The following PCDHGA1 variants were observed in gnomAD, a reference collection of about 807,000 sequenced individuals.
The protein encoded by PCDHGA1 is protocadherin gamma-A1.
PCDHGA1 carries 32 observed loss-of-function variants against 58.0 expected under a neutral mutation model. The ratio of observed to expected loss-of-function variants is 0.55; its 90% CI spans 0.42 to 0.74. PCDHGA1 has a LOEUF of 0.74. PCDHGA1 is among the 30% of genes least tolerant of loss of function. The pLI, the probability that PCDHGA1 is intolerant of heterozygous loss-of-function variation, is 0.00. For missense variants in PCDHGA1, 1,205 were observed against 1,182.3 expected (o/e 1.02, Z -0.28); for synonymous variants, 498 against 501.1 (o/e 0.99, Z 0.08).
intron 2 of PCDHGA1, among the ~76,000 whole-genome samples, chr5:141,502,352 C>G (rs544911376): frequency 3.2e-4 from 49 of 151,888 alleles, no homozygotes; most frequent in African/African-American, 1.2e-3. Flanking sequence ...TTTTTAATGA[C>G]ATGGATATTT....
Position 141,397,950 on chromosome 5 carries a change from G to T in PCDHGA1, c.2421+64845G>T, listed in dbSNP as rs142142786. 7.7e-4 allele frequency: 722 copies of T among 938,408 alleles called. 6 individuals carry two copies. The African/African-American group carries it at 0.01, about 13-fold the overall frequency. 58.1% of individuals were successfully genotyped at this position (938,408 alleles called of 1,614,324 possible). A position where few individuals can be genotyped will look rare whatever the true frequency, so the allele number is the denominator to read the frequency against. On this transcript the variant is annotated intron_variant, in intron 1 of 3. Transcript: ENST00000517417. ...CAGCCGCAGCGCGCTTTCCAGGGCA[G>T]CCCCAGCTCAGACTCCCCAGCGCCG... is the stretch of plus-strand genomic sequence containing the variant.
At chr5:141,339,224 G>A (rs377626542) in intron 1 of PCDHGA1, 10 of 1,614,190 alleles carry the variant, frequency 6.2e-6, no homozygotes, top group Non-Finnish European at 5.9e-6. Context: ...CGGCAGCTTG[G>A]TCACTGCGAA....
At chr5:141,415,476 G>C in intron 1 of PCDHGA1, 1 of 1,614,194 alleles carries the variant, frequency 6.2e-7, no homozygotes, top group Non-Finnish European at 8.5e-7. Context: ...CCGCGGACTC[G>C]CGAAAGAGTC....
At position 141,385,168 on chromosome 5, in the gene PCDHGA1, G is replaced by T. The variant is rs376175214; in HGVS notation, c.2421+52063G>T. On this transcript the variant is annotated intron_variant, in intron 1 of 3. Transcript: ENST00000517417. ...TTTCCTGCAGACCTATTCCCATGAG[G>T]TCTCCCTCACCGCGGACTCTCGGAA... 1.5e-5 allele frequency: 24 copies of T among 1,614,100 alleles called. No individual in the cohort carries two copies. Among genetic ancestry groups the T allele is most frequent in the Non-Finnish European group, 2.0e-5 (24 of 1,180,058 alleles).
chr5:141,505,602 A>G lies in PCDHGA1; in HGVS notation c.2569+121A>G, dbSNP rs1041288927. 4.6e-5 allele frequency: 71 copies of G among 1,534,990 alleles called. 1 individual carries two copies. In the Admixed American group the frequency reaches 1.4e-3, roughly 30 times the overall value. On this transcript the variant is annotated intron_variant, in intron 3 of 3. Coordinates refer to ENST00000517417, the MANE Select transcript of PCDHGA1 (RefSeq NM_018912.3). ...GTGTAGTTTCTCCAGATCTTTCGGC[A>G]GGTCTGAAAGGACCCACAATTCCAA...
chr5:141,501,706 T>TA (rs2099810629), intron 2 of PCDHGA1, among the ~76,000 whole-genome samples: 1 of 152,094 alleles, frequency 6.6e-6, no homozygotes, highest in South Asian at 2.1e-4. Flanking sequence ...ATTCCGAGGA[T>TA]AAAAAAGACA....
chr5:141,371,850 C>T (rs1366445794), intron 1 of PCDHGA1: 5 of 1,613,540 alleles, frequency 3.1e-6, no homozygotes, highest in Admixed American at 1.7e-5. Context: ...ACCTAATGGC[C>T]TTGTCTCCTA....
chr5:141,401,940 A>T (rs1423719749), intron 1 of PCDHGA1, among the ~76,000 whole-genome samples: 1 of 152,236 alleles, frequency 6.6e-6, no homozygotes, highest in Non-Finnish European at 1.5e-5. Flanking sequence ...AATAATGTTT[A>T]AGACCACTTT....
chr5:141,443,018 A>G (rs2098358800), intron 1 of PCDHGA1, among the ~76,000 whole-genome samples: 1 of 152,208 alleles, frequency 6.6e-6, no homozygotes, highest in Admixed American at 6.5e-5. Flanking sequence ...TGACTAATGG[A>G]AGTTGCCAGA....
chr5:141,474,981 G>A (rs1336399018), intron 1 of PCDHGA1, among the ~76,000 whole-genome samples: 1 of 152,126 alleles, frequency 6.6e-6, no homozygotes, highest in African/African-American at 2.4e-5. Context: ...ATTTTGTTTG[G>A]TGACAACAAT....
intron 1 of PCDHGA1, chr5:141,355,264 G>A (rs201894028): frequency 1.2e-5 from 19 of 1,613,482 alleles, no homozygotes; most frequent in African/African-American, 9.3e-5. Context: ...TCTCCTGGGG[G>A]TTCTGGTGGA....
chr5:141,463,466 T>G (rs1400160593), intron 1 of PCDHGA1, among the ~76,000 whole-genome samples: 2 of 142,982 alleles, frequency 1.4e-5, no homozygotes, highest in African/African-American at 5.2e-5. Context: ...TTTTTTTTTT[T>G]GAGATGGAGT....
chr5:141,403,855 A>G (rs750458276), intron 1 of PCDHGA1: 12 of 1,613,676 alleles, frequency 7.4e-6, no homozygotes, highest in Non-Finnish European at 1.0e-5. Flanking sequence ...CTGGGGAAAT[A>G]TCAACAGCAA....
chr5:141,359,959 G>A (rs1257380255), intron 1 of PCDHGA1: 4 of 590,976 alleles, frequency 6.8e-6, no homozygotes, highest in South Asian at 5.4e-5. Context: ...AAAGAACGAA[G>A]AGAAGCGTTT....
In PCDHGA1 at chr5:141,457,578, C is replaced by T. The variant is rs538068150; in HGVS notation, c.2422-37229C>T. Among the ~76,000 whole-genome samples, 38 of 152,304 alleles carry T rather than the reference C, an allele frequency of 2.5e-4. No individual in the cohort carries two copies. The South Asian group carries it at 7.7e-3, about 31-fold the overall frequency. ...AGCTTTGGAGCAAAATTTTTCTCTC[C>T]AGTCCTCATTTTTGGTAAAAACTAA... On this transcript the variant is annotated intron_variant, in intron 1 of 3. Coordinates refer to ENST00000517417, the MANE Select transcript of PCDHGA1 (RefSeq NM_018912.3).
At chr5:141,345,240 C>T (rs757266874) in intron 1 of PCDHGA1, 6 of 1,613,806 alleles carry the variant, frequency 3.7e-6, no homozygotes, top group African/African-American at 1.3e-5. Context: ...TCAATATTAC[C>T]GCTTAGTGAC....
At chr5:141,400,760 C>G (rs1296918626) in intron 1 of PCDHGA1, 2 of 582,290 alleles carry the variant, frequency 3.4e-6, no homozygotes, top group Non-Finnish European at 6.0e-6. Context: ...TCCTCTCTAG[C>G]AAAAACATTT....
At chr5:141,351,804 C>A (rs752529043) in intron 1 of PCDHGA1, 1 of 1,613,328 alleles carries the variant, frequency 6.2e-7, no homozygotes, top group South Asian at 1.1e-5. Flanking sequence ...GCGCAGCGCG[C>A]CTTCGACCAC....
chr5:141,405,858 T>C (rs2094727577), intron 1 of PCDHGA1, among the ~76,000 whole-genome samples: 1 of 152,200 alleles, frequency 6.6e-6, no homozygotes, highest in Non-Finnish European at 1.5e-5. Flanking sequence ...GTGTTTCTCA[T>C]CACTTTTCAC....
Sources: allele counts gnomAD v4.1 joint callset (sites outside exome capture counted in the v4.1 genomes callset), GRCh38; gene constraint gnomAD v4.1.1; transcripts MANE v1.5; gene names NCBI Gene and HGNC (gene_info 2026-07-23, HGNC 2026-07-21).